The following CABLES1 variants were observed in gnomAD, a reference collection of about 807,000 sequenced individuals.
CABLES1 encodes Cdk5 and Abl enzyme substrate 1, also known as CDK5 and ABL1 enzyme substrate 1.
Under a neutral mutation model 57.8 loss-of-function variants are expected in CABLES1, and 36 were observed. The ratio of observed to expected loss-of-function variants is 0.62; its 90% confidence interval spans 0.48 to 0.82. CABLES1 has a LOEUF of 0.82. Among genes scored for constraint, CABLES1 ranks in the 40% least tolerant of loss-of-function variants. CABLES1 has a pLI of 0.00. For missense variants in CABLES1, 767 were observed against 836.6 expected (o/e 0.92, Z 1.03); for synonymous variants, 374 against 363.0 (o/e 1.03, Z -0.35).
chr18:23,159,904 G>A (rs1424657081), intron 1 of CABLES1, among the ~76,000 whole-genome samples: 1 of 149,594 alleles, frequency 6.7e-6, no homozygotes, highest in Admixed American at 6.6e-5. Flanking sequence ...TAAACTTGTT[G>A]GCAAGTTACA....
At chr18:23,193,194 C>CTTTTCT (rs1555663615) in intron 2 of CABLES1, among the ~76,000 whole-genome samples, 6 of 142,304 alleles carry the variant, frequency 4.2e-5, no homozygotes, top group African/African-American at 1.6e-4. Flanking sequence ...AAGAATCTTT[C>CTTTTCT]TTTTTTTTTT....
chr18:23,220,930 G>A (rs2047482357), intron 4 of CABLES1, among the ~76,000 whole-genome samples: 1 of 152,106 alleles, frequency 6.6e-6, no homozygotes, highest in Non-Finnish European at 1.5e-5. Context: ...AATTCTCCTG[G>A]TGTCTGTATG....
At chr18:23,245,972 A>G (rs542158405) in intron 7 of CABLES1, among the ~76,000 whole-genome samples, 2 of 152,334 alleles carry the variant, frequency 1.3e-5, no homozygotes, top group East Asian at 3.9e-4. Flanking sequence ...GGTGGCATTG[A>G]AAACAGTGGT....
At chr18:23,144,189 C>G (rs546391924) in intron 1 of CABLES1, among the ~76,000 whole-genome samples, 33 of 152,320 alleles carry the variant, frequency 2.2e-4, no homozygotes, top group African/African-American at 7.9e-4. Flanking sequence ...GTGCTTCAGC[C>G]CTGGTCTGAC....
At chr18:23,252,583 A>G (rs925285321) in intron 7 of CABLES1, among the ~76,000 whole-genome samples, 1 of 152,158 alleles carries the variant, frequency 6.6e-6, no homozygotes, top group Non-Finnish European at 1.5e-5. Context: ...AGACTAGTGA[A>G]TGGTCAAGTG....
At chr18:23,155,157 T>A (rs554790140) in intron 1 of CABLES1, among the ~76,000 whole-genome samples, 1 of 152,342 alleles carries the variant, frequency 6.6e-6, no homozygotes, top group African/African-American at 2.4e-5. Context: ...TCGTTATGCG[T>A]AACTTCAGTT....
At chr18:23,248,538 T>G (rs200992672) in intron 7 of CABLES1, among the ~76,000 whole-genome samples, 1 of 93,602 alleles carries the variant, frequency 1.1e-5, no homozygotes, top group African/African-American at 3.5e-5. Flanking sequence ...TTTTTTTTTT[T>G]AAAAAAAGGC....
chr18:23,200,180 A>G (rs953335744), intron 3 of CABLES1, among the ~76,000 whole-genome samples: 2 of 152,206 alleles, frequency 1.3e-5, no homozygotes, highest in African/African-American at 4.8e-5. Context: ...TTAAAGTGCC[A>G]TGGAGAATGA....
intron 7 of CABLES1, among the ~76,000 whole-genome samples, chr18:23,247,125 CT>C (rs1487082469): frequency 3.3e-5 from 5 of 152,242 alleles, no homozygotes; most frequent in African/African-American, 1.2e-4. Flanking sequence ...GCTCAATCTC[CT>C]AGTACAGCCT....
At chr18:23,183,416 G>A (rs1001962396) in intron 1 of CABLES1, among the ~76,000 whole-genome samples, 8 of 152,220 alleles carry the variant, frequency 5.3e-5, no homozygotes, top group Admixed American at 4.6e-4. Context: ...TTTGGTCCAC[G>A]TAGGAATATC....
Position 23,238,974 on chromosome 18 carries a change from G to A in CABLES1, c.1446+1729G>A, listed in dbSNP as rs544336815. Among the ~76,000 whole-genome samples the A allele has an allele frequency of 7.2e-5, 11 of 152,316 alleles. No homozygotes were observed. In the South Asian group the frequency reaches 2.1e-3, roughly 29 times the overall value. On this transcript the variant is annotated intron_variant, in intron 7 of 9. Coordinates refer to ENST00000256925, the MANE Select transcript of CABLES1 (RefSeq NM_001100619.3). Reference sequence around the variant, plus strand: ...AGAGAATAGGAAGGTACACTATTTCGATGTTGGCGGGAGCTGTCCTAACAG... The same window carrying A: ...AGAGAATAGGAAGGTACACTATTTCAATGTTGGCGGGAGCTGTCCTAACAG...
At chr18:23,185,983 G>T (rs543577019) in intron 1 of CABLES1, among the ~76,000 whole-genome samples, 13 of 152,294 alleles carry the variant, frequency 8.5e-5, no homozygotes, top group African/African-American at 3.1e-4. Context: ...GAGACATGGG[G>T]GCCACTAATT....
intron 1 of CABLES1, among the ~76,000 whole-genome samples, chr18:23,151,587 G>A (rs1039212591): frequency 5.3e-5 from 8 of 152,222 alleles, no homozygotes; most frequent in Non-Finnish European, 1.2e-4. Flanking sequence ...GTAATCCACC[G>A]ACAGATGGAA....
intron 1 of CABLES1, among the ~76,000 whole-genome samples, chr18:23,178,310 T>C (rs2047139717): frequency 6.6e-6 from 1 of 151,972 alleles, no homozygotes; most frequent in Non-Finnish European, 1.5e-5. Context: ...GCAGGGCCCC[T>C]CCCTCTGGGA....
chr18:23,179,893 C>G (rs1286289149), intron 1 of CABLES1, among the ~76,000 whole-genome samples: 1 of 152,054 alleles, frequency 6.6e-6, no homozygotes, highest in Admixed American at 6.6e-5. Flanking sequence ...TAGGGTGAAA[C>G]AGTTTTGTTT....
chr18:23,227,893 G>A (rs566067292), intron 4 of CABLES1, among the ~76,000 whole-genome samples: 1 of 152,218 alleles, frequency 6.6e-6, no homozygotes, highest in Admixed American at 6.5e-5. Flanking sequence ...ACACATCAAA[G>A]TGTTCAACCT....
chr18:23,227,893 G>T (rs566067292), intron 4 of CABLES1, among the ~76,000 whole-genome samples: 7 of 152,218 alleles, frequency 4.6e-5, no homozygotes, highest in African/African-American at 1.4e-4. Flanking sequence ...ACACATCAAA[G>T]TGTTCAACCT....
At chr18:23,201,929 C>A (rs1159156436) in intron 3 of CABLES1, among the ~76,000 whole-genome samples, 2 of 152,104 alleles carry the variant, frequency 1.3e-5, no homozygotes, top group African/African-American at 4.8e-5. Context: ...TGGGGCTATC[C>A]CAGTGGGGAA....
At chr18:23,208,551 C>T (rs2047381236) in intron 3 of CABLES1, among the ~76,000 whole-genome samples, 1 of 152,178 alleles carries the variant, frequency 6.6e-6, no homozygotes, top group African/African-American at 2.4e-5. Context: ...TTCCAAATTT[C>T]ATAATATTCA....
Sources: allele counts gnomAD v4.1 joint callset (sites outside exome capture counted in the v4.1 genomes callset), GRCh38; gene constraint gnomAD v4.1.1; transcripts MANE v1.5; gene names NCBI Gene and HGNC (gene_info 2026-07-23, HGNC 2026-07-21).